Variants in KDM2A observed in about 807,000 individuals in gnomAD.
KDM2A encodes the protein lysine demethylase 2A.
Under a neutral mutation model 137.3 loss-of-function variants are expected in KDM2A, and 3 were observed. That is an observed-to-expected ratio of 0.02 (90% CI 0.01 to 0.06). KDM2A has a LOEUF of 0.06. Ranked by LOEUF, KDM2A falls within the 10% of genes least tolerant of loss-of-function variation. The pLI is 1.00. For missense variants in KDM2A, 738 were observed against 1,510.6 expected (o/e 0.49, Z 8.48); for synonymous variants, 512 against 541.5 (o/e 0.95, Z 0.76).
intron 17 of KDM2A, among the ~76,000 whole-genome samples, chr11:67,252,149 A>G (rs1859447752): frequency 1.3e-5 from 2 of 152,054 alleles, no homozygotes; most frequent in Admixed American, 6.5e-5. Context: ...GTGAGAGAGG[A>G]CTCTGTAAGC....
intron 2 of KDM2A, among the ~76,000 whole-genome samples, chr11:67,126,004 G>A (rs1464492123): frequency 2.0e-5 from 3 of 150,604 alleles, no homozygotes; most frequent in Admixed American, 1.3e-4. Flanking sequence ...CCAGCACTTC[G>A]GGAGGCTGAG....
At chr11:67,247,337 G>A (rs1327089196) in intron 15 of KDM2A, among the ~76,000 whole-genome samples, 1 of 147,486 alleles carries the variant, frequency 6.8e-6, no homozygotes, top group African/African-American at 2.5e-5. Flanking sequence ...TGATTCACCC[G>A]CCTTGGCCTC....
intron 12 of KDM2A, among the ~76,000 whole-genome samples, chr11:67,233,103 A>C (rs1233219754): frequency 1.3e-5 from 2 of 152,186 alleles, no homozygotes; most frequent in African/African-American, 4.8e-5. Flanking sequence ...GGAAATAGCA[A>C]TTTTATTTTT....
chr11:67,220,685 C>T (rs1285052947), intron 10 of KDM2A, among the ~76,000 whole-genome samples: 3 of 152,046 alleles, frequency 2.0e-5, no homozygotes, highest in South Asian at 2.1e-4. Context: ...ACAAACTTTT[C>T]CTGCAAAGGA....
At chr11:67,203,399 T>C (rs373428090) in intron 5 of KDM2A, among the ~76,000 whole-genome samples, 15 of 148,750 alleles carry the variant, frequency 1.0e-4, no homozygotes, top group African/African-American at 3.2e-4. Flanking sequence ...AGTCTGAAAA[T>C]ACAAAATAGT....
intron 2 of KDM2A, among the ~76,000 whole-genome samples, chr11:67,162,943 C>G (rs1856665783): frequency 6.6e-6 from 1 of 152,148 alleles, no homozygotes; most frequent in Non-Finnish European, 1.5e-5. Context: ...CTCCTGGCCT[C>G]AAGTGATCCT....
In KDM2A at chr11:67,245,529, GTAGAGT is replaced by G. The variant is rs1859178412; in HGVS notation, c.1833+74_1833+79del. On this transcript the variant is annotated intron_variant, in intron 14 of 20. Coordinates refer to ENST00000529006, the MANE Select transcript of KDM2A (RefSeq NM_012308.3). This position sits in a 1 kb window ranked among gnomAD's most constrained non-coding sequence, Gnocchi z 4.1. Reference sequence around the variant, plus strand: ...CCAAAGGAACTGAAATACATATAGTGTAGAGTTAAAGAGACTTCAGAGTTGGAAAGA... The same window carrying G: ...CCAAAGGAACTGAAATACATATAGTGTAAAGAGACTTCAGAGTTGGAAAGA... The G allele has an allele frequency of 6.5e-7, 1 of 1,532,286 alleles. No individual in the cohort carries two copies. The highest frequency in any genetic ancestry group is 9.0e-7 in the Non-Finnish European group (1 of 1,116,892). 94.9% of individuals were successfully genotyped at this position (1,532,286 alleles called of 1,614,324 possible).
At chr11:67,212,539 A>G (rs889854314) in intron 6 of KDM2A, among the ~76,000 whole-genome samples, 2 of 152,196 alleles carry the variant, frequency 1.3e-5, no homozygotes, top group Non-Finnish European at 2.9e-5. Context: ...GGTTCATGAT[A>G]TTGGACTTCT....
chr11:67,218,800 G>A (rs1858245698), intron 9 of KDM2A, among the ~76,000 whole-genome samples: 1 of 152,010 alleles, frequency 6.6e-6, no homozygotes, highest in Admixed American at 6.6e-5. Flanking sequence ...TACTAGAGAC[G>A]GGGTTTCACC....
At chr11:67,173,645 T>C (rs1272689718) in intron 2 of KDM2A, among the ~76,000 whole-genome samples, 1 of 152,170 alleles carries the variant, frequency 6.6e-6, no homozygotes, top group Admixed American at 6.5e-5. Flanking sequence ...CGCCCTGGCC[T>C]CCCAGAGTGC....
chr11:67,127,110 T>A (rs1271413511), intron 2 of KDM2A, among the ~76,000 whole-genome samples: 5 of 152,146 alleles, frequency 3.3e-5, no homozygotes, highest in African/African-American at 1.2e-4. Flanking sequence ...TTTCTTTTTC[T>A]TTTTGGAGAC....
rs999738822 is a variant in KDM2A at position 67,253,744 on chromosome 11, G to A, written c.3091+133G>A. On this transcript the variant is annotated intron_variant, in intron 19 of 20. Transcript: ENST00000529006. ...AATAGAAGAGCACAAAATGAAAACA[G>A]AATGATGGACTGTGTACAAGAATAG... 3.3e-6 allele frequency: 3 copies of A among 899,490 alleles called. No homozygotes were observed. The Admixed American group carries it at 7.0e-5, about 21-fold the overall frequency. 55.7% of individuals were successfully genotyped at this position (899,490 alleles called of 1,614,324 possible).
chr11:67,212,453 G>A (rs1858023452), intron 6 of KDM2A, among the ~76,000 whole-genome samples: 1 of 152,140 alleles, frequency 6.6e-6, no homozygotes. Flanking sequence ...TTTTAAAATG[G>A]CACAAATAAT....
intron 5 of KDM2A, among the ~76,000 whole-genome samples, chr11:67,201,008 C>T (rs12286762): frequency 0.086 from 13,064 of 151,560 alleles, 1,905 homozygotes; most frequent in African/African-American, 0.3. Context: ...CTGGCTAACA[C>T]GGTGAAACCC....
rs982511412 is a variant in KDM2A, at chr11:67,120,063, TC to T, written c.-84+22del. ...GCAGAATCTCCGGTGAGTTTCCCCC[TC>T]CCCCCCCTCATTTGGAAGTTTGGTT... On this transcript the variant is annotated intron_variant, in intron 1 of 20. Coordinates refer to ENST00000529006, the MANE Select transcript of KDM2A (RefSeq NM_012308.3). 39 of 151,158 alleles carry T rather than the reference TC, an allele frequency of 2.6e-4. No individual in the cohort carries two copies. Among genetic ancestry groups the T allele is most frequent in the East Asian group, 7.8e-4 (4 of 5,128 alleles). 9.4% of individuals were successfully genotyped at this position (151,158 alleles called of 1,614,324 possible).
intron 2 of KDM2A, among the ~76,000 whole-genome samples, chr11:67,126,479 G>A (rs960696742): frequency 4.0e-5 from 6 of 151,784 alleles, no homozygotes; most frequent in Non-Finnish European, 5.9e-5. Flanking sequence ...AGGCTGAGGC[G>A]GGTGGATCAC....
intron 2 of KDM2A, among the ~76,000 whole-genome samples, chr11:67,146,492 TTC>T (rs1044707229): frequency 6.6e-6 from 1 of 152,002 alleles, no homozygotes; most frequent in Non-Finnish European, 1.5e-5. Context: ...CTGTGACAGA[TTC>T]TCTCTCTTTG....
chr11:67,221,764 G>T (rs1858356495), intron 10 of KDM2A, among the ~76,000 whole-genome samples: 1 of 152,132 alleles, frequency 6.6e-6, no homozygotes, highest in African/African-American at 2.4e-5. Flanking sequence ...GAAGCAAGGA[G>T]TTTGAGACTC....
intron 12 of KDM2A, among the ~76,000 whole-genome samples, chr11:67,240,939 GAC>G (rs1271406110): frequency 2.0e-5 from 3 of 152,120 alleles, no homozygotes; most frequent in African/African-American, 7.2e-5. Flanking sequence ...CACACACACC[GAC>G]ACAGTTTTCC....
Sources: gnomAD v4.1 joint callset for allele counts (sites outside exome capture counted in the v4.1 genomes callset) on GRCh38, gnomAD v4.1.1 for gene constraint, Gnocchi (gnomAD v3.1) non-coding constraint, MANE v1.5 for transcripts, NCBI Gene and HGNC (gene_info 2026-07-23, HGNC 2026-07-21) for gene names.